RIT2: variants seen among roughly 807,000 people sequenced by gnomAD.
The protein encoded by RIT2 is GTP-binding protein Rit2.
Under a neutral mutation model 23.7 loss-of-function variants are expected in RIT2, and 24 were observed. That is an observed-to-expected ratio of 1.01 (90% CI 0.73 to 1.43). The LOEUF is 1.43. Ranked by LOEUF, RIT2 falls within the 40% of genes most tolerant of loss-of-function variation. The pLI is 0.00. For synonymous variants in RIT2, 107 were observed against 91.1 expected, an observed-to-expected ratio of 1.17 and a Z score of -0.99; for missense variants, 236 against 266.9, an observed-to-expected ratio of 0.88 and a Z score of 0.81.
intron 4 of RIT2, among the ~76,000 whole-genome samples, chr18:42,774,861 G>A (rs1404579351): frequency 6.6e-6 from 1 of 151,766 alleles, no homozygotes; most frequent in Non-Finnish European, 1.5e-5. Flanking sequence ...ACATGAGCAC[G>A]ACCATGACCA....
chr18:42,849,591 T>C (rs1906995571), intron 4 of RIT2, among the ~76,000 whole-genome samples: 1 of 152,328 alleles, frequency 6.6e-6, no homozygotes, highest in East Asian at 1.9e-4. Flanking sequence ...ATTATTAACA[T>C]CTGTATTAGT....
At chr18:42,768,635 G>A (rs1471827388) in intron 4 of RIT2, among the ~76,000 whole-genome samples, 2 of 151,950 alleles carry the variant, frequency 1.3e-5, no homozygotes, top group African/African-American at 4.8e-5. Flanking sequence ...ATTATTTCCT[G>A]TTGCTTAAAA....
chr18:43,042,983 T>C (rs1385047126), intron 1 of RIT2, among the ~76,000 whole-genome samples: 1 of 152,208 alleles, frequency 6.6e-6, no homozygotes, highest in Non-Finnish European at 1.5e-5. Flanking sequence ...ATTAAATAAC[T>C]TGTTCATATA....
intron 4 of RIT2, among the ~76,000 whole-genome samples, chr18:42,751,017 G>A (rs1212594314): frequency 6.6e-6 from 1 of 151,760 alleles, no homozygotes; most frequent in Non-Finnish European, 1.5e-5. Flanking sequence ...TCAGGCAGTG[G>A]GACATTAGTT....
chr18:42,845,912 T>A (rs1906896104), intron 4 of RIT2, among the ~76,000 whole-genome samples: 1 of 151,982 alleles, frequency 6.6e-6, no homozygotes, highest in East Asian at 1.9e-4. Flanking sequence ...AGAGGGAAAT[T>A]CAAAACTTTT....
chr18:42,884,841 T>C (rs1038737981), intron 4 of RIT2, among the ~76,000 whole-genome samples: 1 of 152,220 alleles, frequency 6.6e-6, no homozygotes, highest in Non-Finnish European at 1.5e-5. Context: ...AAGACCACCA[T>C]TGGTTTCTAC....
chr18:42,967,871 C>G (rs1248668456), intron 3 of RIT2, among the ~76,000 whole-genome samples: 3 of 151,754 alleles, frequency 2.0e-5, no homozygotes, highest in Non-Finnish European at 2.9e-5. Context: ...TAAGTTTTAT[C>G]TTACATTTTA....
At chr18:42,860,876 A>T (rs1306446064) in intron 4 of RIT2, among the ~76,000 whole-genome samples, 3 of 152,174 alleles carry the variant, frequency 2.0e-5, no homozygotes, top group Non-Finnish European at 4.4e-5. Flanking sequence ...TACCCTTTGT[A>T]TGAGGGAAAA....
chr18:43,087,312 G>A (rs1402918373), intron 1 of RIT2, among the ~76,000 whole-genome samples: 2 of 152,058 alleles, frequency 1.3e-5, no homozygotes, highest in Non-Finnish European at 2.9e-5. Context: ...AGAAATAAGA[G>A]ATAAGATCTT....
chr18:42,929,055 A>ATATATATATATATATATT (rs1310407844), intron 3 of RIT2, among the ~76,000 whole-genome samples: 1 of 145,828 alleles, frequency 6.9e-6, no homozygotes, highest in Admixed American at 6.9e-5. Context: ...ATATATATAT[A>ATATATATATATATATATT]TATTTATATG....
chr18:42,756,452 G>C (rs557661279), intron 4 of RIT2, among the ~76,000 whole-genome samples: 3 of 151,732 alleles, frequency 2.0e-5, no homozygotes, highest in East Asian at 3.9e-4. Flanking sequence ...TGGTGTGCAG[G>C]GGGGAAAGGT....
At chr18:43,071,332 T>C (rs988933801) in intron 1 of RIT2, among the ~76,000 whole-genome samples, 10 of 152,174 alleles carry the variant, frequency 6.6e-5, no homozygotes, top group African/African-American at 2.4e-4. Context: ...TATATCAAAA[T>C]ATATGGAACT....
Position 42,795,959 on chromosome 18 carries a change from C to T in RIT2, c.427-52239G>A, listed in dbSNP as rs1905337937. 1.3e-5 allele frequency among the ~76,000 whole-genome samples: 2 copies of T among 152,082 alleles called. 1 individual carries two copies. Among genetic ancestry groups the T allele is most frequent in the South Asian group, 4.1e-4 (2 of 4,824 alleles). On this transcript the variant is annotated intron_variant, in intron 4 of 4. Coordinates refer to ENST00000326695, the MANE Select transcript of RIT2 (RefSeq NM_002930.4). Reference sequence around the variant, plus strand: ...TCTAGCCCAGGGATTGTAAAGGCACCAATCAGCGCCCTGTCAAAACAGACC... The same window carrying T: ...TCTAGCCCAGGGATTGTAAAGGCACTAATCAGCGCCCTGTCAAAACAGACC...
chr18:42,773,279 C>G (rs986097249), intron 4 of RIT2, among the ~76,000 whole-genome samples: 1 of 151,782 alleles, frequency 6.6e-6, no homozygotes, highest in South Asian at 2.1e-4. Context: ...GAAATCAATT[C>G]AAACCAAAGG....
intron 1 of RIT2, among the ~76,000 whole-genome samples, chr18:43,054,994 C>A (rs1323255787): frequency 6.6e-6 from 1 of 152,090 alleles, no homozygotes; most frequent in Non-Finnish European, 1.5e-5. Context: ...ACCTCGGTTA[C>A]TGTTAAATGC....
chr18:42,864,054 AC>A (rs897234014), intron 4 of RIT2, among the ~76,000 whole-genome samples: 59 of 151,814 alleles, frequency 3.9e-4, no homozygotes, highest in Non-Finnish European at 4.4e-4. Context: ...AAAAAAAAAA[AC>A]GATATGAAAT....
At chr18:42,754,466 C>G (rs766219800) in intron 4 of RIT2, among the ~76,000 whole-genome samples, 1 of 152,114 alleles carries the variant, frequency 6.6e-6, no homozygotes. Context: ...TATGCCTTTG[C>G]GTATTGCTTT....
intron 4 of RIT2, among the ~76,000 whole-genome samples, chr18:42,857,834 C>G (rs1907226075): frequency 6.6e-6 from 1 of 152,136 alleles, no homozygotes; most frequent in African/African-American, 2.4e-5. Flanking sequence ...TGCTCAAGAC[C>G]TAGGTACTGG....
intron 4 of RIT2, among the ~76,000 whole-genome samples, chr18:42,787,435 G>T (rs202036924): frequency 1.3e-5 from 2 of 150,172 alleles, no homozygotes; most frequent in Non-Finnish European, 3.0e-5. Flanking sequence ...TTTAAAAAAA[G>T]AAAAAAAAAG....
Sources: gnomAD v4.1 joint callset for allele counts (sites outside exome capture counted in the v4.1 genomes callset) on GRCh38, gnomAD v4.1.1 for gene constraint, MANE v1.5 for transcripts, NCBI Gene and HGNC (gene_info 2026-07-23, HGNC 2026-07-21) for gene names.